Variants in CYYR1 observed in about 807,000 individuals in gnomAD.
CYYR1 encodes the protein cysteine and tyrosine-rich protein 1.
Under a neutral mutation model 15.2 loss-of-function variants are expected in CYYR1, and 14 were observed. The observed-to-expected ratio is 0.92, with a 90% CI of 0.61 to 1.44. The LOEUF is 1.44. CYYR1 is among the 40% of genes most tolerant of loss of function. The probability of loss-of-function intolerance (pLI) is 0.00; values close to 1 mark genes in which losing one functional copy is unlikely to be tolerated. For synonymous variants in CYYR1, 80 were observed against 77.4 expected, an observed-to-expected ratio of 1.03 and a Z score of -0.18; for missense variants, 228 against 209.5, an observed-to-expected ratio of 1.09 and a Z score of -0.54.
chr21:26,546,921 A>G (rs944481400), intron 2 of CYYR1, among the ~76,000 whole-genome samples: 4 of 152,150 alleles, frequency 2.6e-5, no homozygotes, highest in African/African-American at 9.7e-5. Flanking sequence ...TAAAAGGCAC[A>G]AAAACAACCC....
chr21:26,520,139 T>TATATATATATATATATATAA (rs2065785461), intron 2 of CYYR1, among the ~76,000 whole-genome samples: 1 of 136,924 alleles, frequency 7.3e-6, no homozygotes, highest in Admixed American at 7.3e-5. Flanking sequence ...TATATATATA[T>TATATATATATATATATATAA]ATGCAGAAAG....
intron 3 of CYYR1, among the ~76,000 whole-genome samples, chr21:26,476,628 C>CTATG (rs1379890581): frequency 2.7e-5 from 4 of 150,044 alleles, no homozygotes; most frequent in Non-Finnish European, 4.5e-5. Context: ...ATCTATCTAT[C>CTATG]TAATCTTCTA....
chr21:26,491,764 T>A (rs1245213038), intron 2 of CYYR1, among the ~76,000 whole-genome samples: 2 of 152,172 alleles, frequency 1.3e-5, no homozygotes, highest in East Asian at 3.9e-4. Context: ...TCTTCTCCTG[T>A]GGCTCTACTG....
At chr21:26,543,305 A>G (rs1184614733) in intron 2 of CYYR1, among the ~76,000 whole-genome samples, 3 of 152,356 alleles carry the variant, frequency 2.0e-5, no homozygotes, top group African/African-American at 7.2e-5. Context: ...CCTATGTAAC[A>G]AACCTGCACA....
intron 2 of CYYR1, among the ~76,000 whole-genome samples, chr21:26,516,250 G>A (rs149596730): frequency 2.7e-4 from 41 of 152,278 alleles, no homozygotes; most frequent in Non-Finnish European, 4.6e-4. Context: ...CATTGTGACA[G>A]TTTGATAGTT....
chr21:26,570,514 G>C (rs1980942118), intron 1 of CYYR1, among the ~76,000 whole-genome samples: 1 of 152,224 alleles, frequency 6.6e-6, no homozygotes, highest in African/African-American at 2.4e-5. Flanking sequence ...TGCAGTGGGA[G>C]TCAGACAATA....
rs773776527 is a variant in CYYR1, at chr21:26,572,964, G to A, written c.-24C>T. The A allele has an allele frequency of 1.9e-6, 3 of 1,613,456 alleles. No individual in the cohort carries two copies. The highest frequency in any genetic ancestry group is 2.5e-6 in the Non-Finnish European group (3 of 1,179,872). ...ATCCAAGCCGGTGGCCTGAGGCTTG[G>A]AGCGAAGGGAGAGCCCGGAACCGGA... On this transcript the variant is annotated 5_prime_UTR_variant, in exon 1 of 4. Transcript: ENST00000652641.
At chr21:26,485,539 T>G (rs1433438001) in intron 2 of CYYR1, among the ~76,000 whole-genome samples, 1 of 152,114 alleles carries the variant, frequency 6.6e-6, no homozygotes, top group Admixed American at 6.6e-5. Context: ...TTTCTGTAAT[T>G]TAGTCATTTC....
chr21:26,515,244 G>A (rs2065710067), intron 2 of CYYR1, among the ~76,000 whole-genome samples: 1 of 152,108 alleles, frequency 6.6e-6, no homozygotes, highest in Non-Finnish European at 1.5e-5. Context: ...ATTTTATTTT[G>A]TTCAGCCCTC....
chr21:26,494,421 G>A (rs557867492), intron 2 of CYYR1, among the ~76,000 whole-genome samples: 2 of 152,240 alleles, frequency 1.3e-5, no homozygotes, highest in Admixed American at 1.3e-4. Flanking sequence ...GTATTGTCAA[G>A]ATAAGCAACA....
chr21:26,476,703 T>G (rs2065110068), intron 3 of CYYR1, among the ~76,000 whole-genome samples: 1 of 152,106 alleles, frequency 6.6e-6, no homozygotes, highest in Admixed American at 6.6e-5. Flanking sequence ...ATCTCATTTT[T>G]CTTGATGGCA....
At chr21:26,476,880 A>T (rs948473620) in intron 3 of CYYR1, among the ~76,000 whole-genome samples, 2 of 152,170 alleles carry the variant, frequency 1.3e-5, no homozygotes, top group African/African-American at 4.8e-5. Flanking sequence ...TGAAGTTCTG[A>T]AAAGTAGTGG....
chr21:26,510,980 TACA>T (rs1205801895), intron 2 of CYYR1, among the ~76,000 whole-genome samples: 1 of 152,228 alleles, frequency 6.6e-6, no homozygotes, highest in Non-Finnish European at 1.5e-5. Flanking sequence ...AGCAGACTTT[TACA>T]ACATTAGGGT....
At chr21:26,564,159 T>A (rs1056568452) in intron 2 of CYYR1, among the ~76,000 whole-genome samples, 1 of 151,584 alleles carries the variant, frequency 6.6e-6, no homozygotes, top group Non-Finnish European at 1.5e-5. Flanking sequence ...TTTTCCTACC[T>A]CCTGCATCGC....
intron 2 of CYYR1, among the ~76,000 whole-genome samples, chr21:26,501,371 G>T (rs1455583667): frequency 6.6e-6 from 1 of 152,070 alleles, no homozygotes; most frequent in Non-Finnish European, 1.5e-5. Context: ...AGATGGAAAA[G>T]GCCTGTTCTG....
At chr21:26,468,771 C>T in intron 3 of CYYR1, 137 bp from the exon 4 acceptor site, 1 of 625,314 alleles carries the variant, frequency 1.6e-6, no homozygotes, top group Non-Finnish European at 2.8e-6. Context: ...TAGGTCAGGA[C>T]CACATATGTA....
intron 2 of CYYR1, among the ~76,000 whole-genome samples, chr21:26,512,061 A>G (rs1046152891): frequency 7.2e-5 from 11 of 151,772 alleles, no homozygotes; most frequent in African/African-American, 2.7e-4. Context: ...CCCTTTTCAC[A>G]TCTCTTTTTC....
At chr21:26,504,540 G>C (rs2065529172) in intron 2 of CYYR1, among the ~76,000 whole-genome samples, 1 of 152,048 alleles carries the variant, frequency 6.6e-6, no homozygotes, top group Non-Finnish European at 1.5e-5. Context: ...GTACATAGTA[G>C]GTGTATATAT....
intron 2 of CYYR1, among the ~76,000 whole-genome samples, chr21:26,561,683 C>T (rs1980212473): frequency 6.6e-6 from 1 of 152,066 alleles, no homozygotes; most frequent in African/African-American, 2.4e-5. Flanking sequence ...AATCCACAGA[C>T]CGATGAGTGC....
Sources: gnomAD v4.1 joint callset for allele counts (sites outside exome capture counted in the v4.1 genomes callset) on GRCh38, gnomAD v4.1.1 for gene constraint, MANE v1.5 for transcripts, NCBI Gene and HGNC (gene_info 2026-07-23, HGNC 2026-07-21) for gene names.